The following ZNF334 variants were observed in gnomAD, a reference collection of about 807,000 sequenced individuals.
The protein encoded by ZNF334 is zinc finger protein 334.
Under a neutral mutation model 12.4 loss-of-function variants are expected in ZNF334, and 14 were observed. That is an observed-to-expected ratio of 1.13 (90% CI 0.74 to 1.76). The LOEUF (loss-of-function observed/expected upper bound fraction) is 1.76. Ranked by LOEUF, ZNF334 falls within the 40% of genes most tolerant of loss-of-function variation. The probability of loss-of-function intolerance (pLI) is 0.00; values close to 1 mark genes in which losing one functional copy is unlikely to be tolerated. For synonymous variants in ZNF334, 273 were observed against 269.6 expected, an observed-to-expected ratio of 1.01 and a Z score of -0.12; for missense variants, 797 against 804.5, an observed-to-expected ratio of 0.99 and a Z score of 0.11.
chr20:46,502,476 G>C lies in ZNF334; in HGVS notation c.863C>G (p.Thr288Ser), dbSNP rs146981722. Reference protein sequence around the residue: ...TSLTRHRRIHTGERPYECSEC... With the variant: ...TSLTRHRRIHSGERPYECSEC... ...ACTGCATTCATAGGGTCTCTCTCCA[G>C]TATGAATTCTTCGGTGTCGAGTGAG... is the stretch of plus-strand genomic sequence containing the variant. The change falls in exon 5 of 5, where the codon ACT becomes AGT. Residue 288 changes from threonine to serine, a missense_variant. Physicochemically the swap from Thr to Ser is moderately conservative, Grantham distance 58 (BLOSUM62 1). Coordinates refer to ENST00000692313, the MANE Select transcript of ZNF334 (RefSeq NM_001353824.2). 3.1e-6 allele frequency: 5 copies of C among 1,613,902 alleles called. No homozygotes were observed. Among genetic ancestry groups the C allele is most frequent in the Non-Finnish European group, 4.2e-6 (5 of 1,179,900 alleles).
At chr20:46,466,149 T>A in the ZNF334 span, among the ~76,000 whole-genome samples, 1 of 152,062 alleles carries the variant, frequency 6.6e-6, no homozygotes, top group Non-Finnish European at 1.5e-5. Context: ...TATAAAAAAA[T>A]TTTCTTATCT....
chr20:46,493,110 T>G, the ZNF334 span, among the ~76,000 whole-genome samples: 1 of 150,854 alleles, frequency 6.6e-6, no homozygotes, highest in African/African-American at 2.4e-5. Flanking sequence ...AAAAAACTGT[T>G]AAATGTATTC....
the ZNF334 span, among the ~76,000 whole-genome samples, chr20:46,471,577 T>G: frequency 6.6e-6 from 1 of 152,226 alleles, no homozygotes; most frequent in Non-Finnish European, 1.5e-5. Flanking sequence ...ACCTAATGCT[T>G]TGTTTTACTT....
In ZNF334 at chr20:46,502,655, C is replaced by T. The variant is rs1470205022; in HGVS notation, c.684G>A (p.Lys228=). 6.2e-7 allele frequency: 1 copy of T among 1,612,634 alleles called. No individual in the cohort carries two copies. The highest frequency in any genetic ancestry group is 1.1e-5 in the South Asian group (1 of 91,070). The change falls in exon 5 of 5, where the codon AAG becomes AAA. Residue 228 remains lysine, a synonymous_variant. Transcript: ENST00000692313. The part of the protein sequence containing the change: ...FFKRAILITQ[K]GRQTERKPNE... The stretch of plus-strand genomic sequence containing the variant: ...TTGGTTTCCTTTCAGTCTGTCTCCC[C>T]TTTTGTGTAATGAGAATTGCCCTCT...
chr20:46,474,784 T>C, the ZNF334 span: 1 of 152,212 alleles, frequency 6.6e-6, no homozygotes, highest in Admixed American at 6.5e-5. Flanking sequence ...GATACAATAA[T>C]TGCATAATGT....
chr20:46,504,553 T>C lies in ZNF334; in HGVS notation c.148+61A>G, dbSNP rs1363631862. ...GCTAAATAAATTCTAGAAATCAACA[T>C]GTTTTTGTAACACAGAAGAAATGTA... On this transcript the variant is annotated intron_variant, in intron 3 of 4. Transcript: ENST00000692313. 109 of 1,524,316 alleles carry C rather than the reference T, an allele frequency of 7.2e-5. 1 individual carries two copies. In the South Asian group the frequency reaches 1.2e-3, roughly 17 times the overall value. 94.4% of individuals were successfully genotyped at this position (1,524,316 alleles called of 1,614,324 possible).
the ZNF334 span, among the ~76,000 whole-genome samples, chr20:46,486,446 T>TA: frequency 2.6e-5 from 4 of 152,166 alleles, no homozygotes; most frequent in Non-Finnish European, 4.4e-5. Flanking sequence ...AATTGTAAAA[T>TA]ATGCACGATT....
chr20:46,467,918 T>TTTTA, the ZNF334 span, among the ~76,000 whole-genome samples: 1 of 152,238 alleles, frequency 6.6e-6, no homozygotes, highest in East Asian at 1.9e-4. Flanking sequence ...GATTGTTAAA[T>TTTTA]GGGTCTATTT....
At position 46,501,321 on chromosome 20, in the gene ZNF334, AAAAG is replaced by A. The variant is rs757033654; in HGVS notation, c.2014_2017del (p.Leu672TyrfsTer31). On this transcript the variant is annotated frameshift_variant, in exon 5 of 5. Transcript: ENST00000692313. LOFTEE classifies it low-confidence loss of function (END_TRUNC). ...TTATTCCTTGTGGGATTTCTGATGT[AAAAG>A]AAAGTTTGATTTGTGGCGAAATGTT... is the stretch of plus-strand genomic sequence containing the variant. The A allele has an allele frequency of 6.2e-7, 1 of 1,610,988 alleles. No homozygotes were observed. The highest frequency in any genetic ancestry group is 8.5e-7 in the Non-Finnish European group (1 of 1,178,132).
At chr20:46,492,871 CAA>C in the ZNF334 span, 1 of 152,006 alleles carries the variant, frequency 6.6e-6, no homozygotes, top group African/African-American at 2.4e-5. Flanking sequence ...TTCATGAGGT[CAA>C]GAGTTCCAGA....
chr20:46,501,594 C>A lies in ZNF334; in HGVS notation c.1745G>T (p.Cys582Phe). 1 of 1,614,134 alleles carries A rather than the reference C, an allele frequency of 6.2e-7. No homozygotes were observed. The highest frequency in any genetic ancestry group is 8.5e-7 in the Non-Finnish European group (1 of 1,179,998). Residue 582 changes from cysteine to phenylalanine, a missense_variant, in exon 5 of 5, where the codon TGT (cysteine) becomes TTT (phenylalanine). Physicochemically the swap from Cys to Phe is radical, Grantham distance 205. Transcript: ENST00000692313. ...ATGTTCAACAAAGGAGAACTTCTGA[C>A]AGAAGGTTTTCCCACATTCATTACA... ...YECNECGKTF[C>F]QKFSFVEHQR...
the ZNF334 span, among the ~76,000 whole-genome samples, chr20:46,479,612 A>C: frequency 1.3e-5 from 2 of 152,216 alleles, no homozygotes; most frequent in Non-Finnish European, 2.9e-5. Context: ...ATTTTACCCC[A>C]AAATACATTT....
chr20:46,482,731 G>C, the ZNF334 span, among the ~76,000 whole-genome samples: 1 of 152,070 alleles, frequency 6.6e-6, no homozygotes, highest in African/African-American at 2.4e-5. Flanking sequence ...GCCCATCAAT[G>C]ACACAGGGGA....
At chr20:46,483,387 T>A in the ZNF334 span, among the ~76,000 whole-genome samples, 1 of 152,208 alleles carries the variant, frequency 6.6e-6, no homozygotes, top group Non-Finnish European at 1.5e-5. Context: ...CTTTTATTTT[T>A]TCACAGAGAT....
At chr20:46,494,195 A>G in the ZNF334 span, among the ~76,000 whole-genome samples, 1 of 152,234 alleles carries the variant, frequency 6.6e-6, no homozygotes, top group African/African-American at 2.4e-5. Context: ...TAGAAGTCGA[A>G]TTACTTTCCC....
the ZNF334 span, chr20:46,484,659 C>T: frequency 1.2e-5 from 2 of 167,072 alleles, no homozygotes; most frequent in Non-Finnish European, 2.9e-5. Context: ...ATCTGCAACA[C>T]TCCCTGAAAA....
At chr20:46,465,006 C>A in the ZNF334 span, 1 of 393,200 alleles carries the variant, frequency 2.5e-6, no homozygotes, top group East Asian at 6.4e-5. Flanking sequence ...AACACAGTAC[C>A]GTCGCTGAAA....
Position 46,501,554 on chromosome 20 carries a change from AGTGT to A in ZNF334, c.1781_1784del (p.His594LeufsTer109). 1 of 1,613,152 alleles carries A rather than the reference AGTGT, an allele frequency of 6.2e-7. No homozygotes were observed. Among genetic ancestry groups the A allele is most frequent in the Non-Finnish European group, 8.5e-7 (1 of 1,179,672 alleles). Reference sequence around the variant, plus strand: ...CATTACATTCATATGGTTTCTCCCCAGTGTGAGTTCGCTGATGTTCAACAAAGGA... The same window carrying A: ...CATTACATTCATATGGTTTCTCCCCAGAGTTCGCTGATGTTCAACAAAGGA... On this transcript the variant is annotated frameshift_variant, in exon 5 of 5. Transcript: ENST00000692313. LOFTEE classifies it low-confidence loss of function (END_TRUNC).
In ZNF334 at chr20:46,501,638, T is replaced by C; in HGVS notation, c.1701A>G (p.Thr567=). ...SALTHHQRTH[T]GQRPYECNEC... ...CATTACACTCATAGGGTCTCTGTCCTGTGTGTGTTCTCTGATGGTGAGTCA... is the reference window on the plus strand; with the variant it reads ...CATTACACTCATAGGGTCTCTGTCCCGTGTGTGTTCTCTGATGGTGAGTCA... Residue 567 remains threonine (T), a synonymous_variant, in exon 5 of 5, where the codon ACA becomes ACG. Coordinates refer to ENST00000692313, the MANE Select transcript of ZNF334 (RefSeq NM_001353824.2). 2 of 1,614,192 alleles carry C rather than the reference T, an allele frequency of 1.2e-6. No individual in the cohort carries two copies. The highest frequency in any genetic ancestry group is 1.7e-6 in the Non-Finnish European group (2 of 1,179,994).
Sources: allele counts gnomAD v4.1 joint callset (sites outside exome capture counted in the v4.1 genomes callset), GRCh38; gene constraint gnomAD v4.1.1; transcripts MANE v1.5; gene names NCBI Gene and HGNC (gene_info 2026-07-23, HGNC 2026-07-21).